The following COMMD1 variants were observed in gnomAD, a reference collection of about 807,000 sequenced individuals.
The protein encoded by COMMD1 is COMM domain-containing protein 1.
Under a neutral mutation model 17.2 loss-of-function variants are expected in COMMD1, and 10 were observed. The observed-to-expected ratio is 0.58, with a 90% CI of 0.36 to 0.99. COMMD1 has a LOEUF of 0.99. Ranked by LOEUF, COMMD1 falls within the 50% of genes least tolerant of loss-of-function variation. The pLI is 0.01. For missense variants in COMMD1, 270 were observed against 231.8 expected, an observed-to-expected ratio of 1.17 and a Z score of -1.07; for synonymous variants, 97 against 91.6, an observed-to-expected ratio of 1.06 and a Z score of -0.34.
chr2:61,957,178 T>C (rs763649106), intron 1 of COMMD1, among the ~76,000 whole-genome samples: 2 of 151,962 alleles, frequency 1.3e-5, no homozygotes, highest in Non-Finnish European at 2.9e-5. Flanking sequence ...GTGGGGTGTT[T>C]ATAGCTCACT....
At chr2:62,051,382 A>G (rs768853342) in intron 2 of COMMD1, among the ~76,000 whole-genome samples, 3 of 152,198 alleles carry the variant, frequency 2.0e-5, no homozygotes, top group Non-Finnish European at 2.9e-5. Context: ...TTTAAAGAAA[A>G]ATTGTAGAGT....
chr2:61,937,264 AG>A (rs1265221228), intron 1 of COMMD1, among the ~76,000 whole-genome samples: 1 of 152,200 alleles, frequency 6.6e-6, no homozygotes, highest in African/African-American at 2.4e-5. Context: ...GGCCTGAACC[AG>A]TCTTTCTGGT....
At chr2:61,980,632 G>T (rs59062735) in intron 1 of COMMD1, among the ~76,000 whole-genome samples, 5 of 143,828 alleles carry the variant, frequency 3.5e-5, no homozygotes, top group Non-Finnish European at 6.0e-5. Flanking sequence ...TGAGTTCATT[G>T]TAGATTCTGG....
intron 2 of COMMD1, among the ~76,000 whole-genome samples, chr2:62,077,227 T>C (rs1671371912): frequency 6.6e-6 from 1 of 152,242 alleles, no homozygotes; most frequent in African/African-American, 2.4e-5. Flanking sequence ...CTGTTAAATT[T>C]GGTTTAAGAG....
chr2:62,111,224 G>C (rs1204830441), intron 2 of COMMD1, among the ~76,000 whole-genome samples: 2 of 152,174 alleles, frequency 1.3e-5, no homozygotes, highest in East Asian at 3.8e-4. Context: ...GGTGGAAAAA[G>C]TATAATACCT....
At chr2:62,027,416 T>C (rs1669789147) in intron 2 of COMMD1, among the ~76,000 whole-genome samples, 1 of 152,240 alleles carries the variant, frequency 6.6e-6, no homozygotes, top group South Asian at 2.1e-4. Flanking sequence ...TTGCTTTTAG[T>C]AACATGCCCT....
chr2:62,084,337 TTTATGTA>T (rs1312260750), intron 2 of COMMD1, among the ~76,000 whole-genome samples: 5 of 152,204 alleles, frequency 3.3e-5, no homozygotes, highest in African/African-American at 9.7e-5. Context: ...ACACATATCT[TTTATGTA>T]TTATGTATTA....
upstream of COMMD1, among the ~76,000 whole-genome samples, chr2:61,905,160 C>A (rs1444885244): frequency 6.6e-6 from 1 of 152,106 alleles, no homozygotes; most frequent in East Asian, 1.9e-4. Flanking sequence ...AGCCACTGAT[C>A]TAGCTGGAAA....
intron 2 of COMMD1, among the ~76,000 whole-genome samples, chr2:62,053,644 G>A (rs1270710048): frequency 6.6e-6 from 1 of 152,170 alleles, no homozygotes. Context: ...TAATCATCCA[G>A]CAGAACATCT....
chr2:61,953,461 T>A (rs1306360922), intron 1 of COMMD1, among the ~76,000 whole-genome samples: 1 of 151,128 alleles, frequency 6.6e-6, no homozygotes, highest in East Asian at 1.9e-4. Context: ...CTCCACCTCC[T>A]GGGTTCAAGC....
chr2:62,055,102 G>A (rs1310259900), intron 2 of COMMD1, among the ~76,000 whole-genome samples: 1 of 152,202 alleles, frequency 6.6e-6, no homozygotes, highest in East Asian at 1.9e-4. Flanking sequence ...CTATCAGTGA[G>A]TGGCAAGTGA....
intron 2 of COMMD1, among the ~76,000 whole-genome samples, chr2:62,079,374 G>T (rs1474424981): frequency 6.6e-6 from 1 of 152,186 alleles, no homozygotes; most frequent in Admixed American, 6.5e-5. Flanking sequence ...TATTTTGCAA[G>T]AATCAATATT....
chr2:61,954,685 C>A (rs1162917977), intron 1 of COMMD1, among the ~76,000 whole-genome samples: 1 of 151,380 alleles, frequency 6.6e-6, no homozygotes, highest in Non-Finnish European at 1.5e-5. Context: ...CTCTCTCTCT[C>A]TCTTTTTTTT....
chr2:62,129,668 C>T (rs919625979), intron 2 of COMMD1, among the ~76,000 whole-genome samples: 2 of 152,204 alleles, frequency 1.3e-5, no homozygotes, highest in Non-Finnish European at 2.9e-5. Context: ...AATTGCCCTT[C>T]AAGGAGCCAT....
intron 1 of COMMD1, among the ~76,000 whole-genome samples, chr2:61,970,428 G>C (rs576405792): frequency 1.3e-5 from 2 of 152,202 alleles, no homozygotes; most frequent in African/African-American, 4.8e-5. Context: ...ATATAAAATA[G>C]TGTGGTATTT....
intron 1 of COMMD1, among the ~76,000 whole-genome samples, chr2:61,937,272 TG>T (rs1253882025): frequency 6.6e-6 from 1 of 152,204 alleles, no homozygotes; most frequent in Non-Finnish European, 1.5e-5. Flanking sequence ...CCAGTCTTTC[TG>T]GTTAAATTTT....
chr2:61,949,422 A>T (rs1670994445), intron 1 of COMMD1, among the ~76,000 whole-genome samples: 1 of 152,226 alleles, frequency 6.6e-6, no homozygotes, highest in South Asian at 2.1e-4. Flanking sequence ...AAGAAGCCTT[A>T]GATTCTAACC....
chr2:61,988,445 A>T (rs1672162139), intron 1 of COMMD1, among the ~76,000 whole-genome samples: 1 of 152,146 alleles, frequency 6.6e-6, no homozygotes, highest in South Asian at 2.1e-4. Context: ...GGGTTTGTCT[A>T]GAAATGTTGT....
At chr2:62,031,041 A>G (rs779801222) in intron 2 of COMMD1, among the ~76,000 whole-genome samples, 1 of 152,192 alleles carries the variant, frequency 6.6e-6, no homozygotes, top group Non-Finnish European at 1.5e-5. Context: ...AATGACTAAT[A>G]AGAGAGAGAA....
Sources: allele counts gnomAD v4.1 joint callset (sites outside exome capture counted in the v4.1 genomes callset), GRCh38; gene constraint gnomAD v4.1.1; transcripts MANE v1.5; gene names NCBI Gene and HGNC (gene_info 2026-07-23, HGNC 2026-07-21).